The following SRRM1 variants were observed in gnomAD, a reference collection of about 807,000 sequenced individuals.
The protein encoded by SRRM1 is serine/arginine repetitive matrix protein 1.
SRRM1 carries 19 observed loss-of-function variants against 110.2 expected under a neutral mutation model. The ratio of observed to expected loss-of-function variants is 0.17; its 90% CI spans 0.12 to 0.25. The LOEUF is 0.25. Ranked by LOEUF, SRRM1 falls within the 10% of genes least tolerant of loss-of-function variation. SRRM1 has a pLI of 1.00. For synonymous variants in SRRM1, 443 were observed against 414.9 expected (o/e 1.07, Z -0.82); for missense variants, 918 against 1,145.8 (o/e 0.80, Z 2.87).
chr1:24,648,996 A>G lies in SRRM1; in HGVS notation c.372A>G (p.Leu124=). ...TCGCGGGAATCCCTTCTGCTTTCCT[A>G]GAACTGAAGAAAGAAGAAATAAAAC... ...ENIAGIPSAF[L]ELKKEEIKQR... Residue 124 remains leucine, a synonymous_variant, in exon 4 of 17, where the codon CTA becomes CTG. Coordinates refer to ENST00000323848, the MANE Select transcript of SRRM1 (RefSeq NM_005839.4). The G allele has an allele frequency of 1.2e-6, 2 of 1,612,464 alleles. No homozygotes were observed. The highest frequency in any genetic ancestry group is 1.7e-6 in the Non-Finnish European group (2 of 1,179,610).
intron 9 of SRRM1, among the ~76,000 whole-genome samples, chr1:24,656,175 C>G (rs1663995723): frequency 6.6e-6 from 1 of 152,136 alleles, no homozygotes; most frequent in South Asian, 2.1e-4. Context: ...ACCAGCATTG[C>G]TAATTATTCA....
Position 24,663,000 on chromosome 1 carries a change from A to G in SRRM1, c.1628+196A>G, listed in dbSNP as rs1570989932. 5.1e-6 allele frequency: 5 copies of G among 972,456 alleles called. No individual in the cohort carries two copies. The East Asian group carries it at 1.3e-4, about 26-fold the overall frequency. 60.2% of individuals were successfully genotyped at this position (972,456 alleles called of 1,614,324 possible). ...TATTAATAATTAATTTAGAATTGGT[A>G]AATTTTAAACCACCATGTCATATAT... is the stretch of plus-strand genomic sequence containing the variant. On this transcript the variant is annotated intron_variant, in intron 12 of 16. Coordinates refer to ENST00000323848, the MANE Select transcript of SRRM1 (RefSeq NM_005839.4).
Position 24,655,051 on chromosome 1 carries a change from C to T in SRRM1, c.1237C>T (p.His413Tyr). ...TGCAACTCCACCACCCAAAACTCGG[C>T]ATTCCCCTACACCCCAGCAGTCAAA... Reference protein sequence around the residue: ...PPATPPPKTRHSPTPQQSNRT... With the variant: ...PPATPPPKTRYSPTPQQSNRT... The change falls in exon 9 of 17, where the codon CAT becomes TAT. Residue 413 changes from histidine (H) to tyrosine (Y), a missense_variant. Around this residue, in one of 5 missense-constraint regions of SRRM1, gnomAD observed 456 missense variants for 453.5 expected, o/e 1.01. Transcript: ENST00000323848. The T allele has an allele frequency of 6.2e-7, 1 of 1,614,198 alleles. No individual in the cohort carries two copies. The highest frequency in any genetic ancestry group is 2.2e-5 in the East Asian group (1 of 44,888).
chr1:24,672,439 C>T lies in SRRM1; in HGVS notation c.*153C>T. The T allele has an allele frequency of 1.9e-6, 1 of 534,464 alleles. No homozygotes were observed. Among genetic ancestry groups the T allele is most frequent in the Non-Finnish European group, 3.4e-6 (1 of 294,930 alleles). 33.1% of individuals were successfully genotyped at this position (534,464 alleles called of 1,614,324 possible). On this transcript the variant is annotated 3_prime_UTR_variant, in exon 17 of 17. Coordinates refer to ENST00000323848, the MANE Select transcript of SRRM1 (RefSeq NM_005839.4). ...TGTAAAAAAAGGGGGCATGGATTTA[C>T]ATTGCAAAAGGTGTCCACAGTGTAT...
intron 1 of SRRM1, among the ~76,000 whole-genome samples, chr1:24,645,270 G>T (rs1229080374): frequency 3.9e-5 from 6 of 152,036 alleles, no homozygotes; most frequent in East Asian, 1.9e-4. Flanking sequence ...AATTTTTTTT[G>T]ATCGCTTTCC....
rs957249112 is a variant in SRRM1 at position 24,666,612 on chromosome 1, A to G, written c.1629-203A>G. ...CTCCGTCTCTACAAAAATATTTTAA[A>G]AAATTAGCCAGGCATGATTATGGGT... On this transcript the variant is annotated intron_variant, in intron 12 of 16. Coordinates refer to ENST00000323848, the MANE Select transcript of SRRM1 (RefSeq NM_005839.4). 33 of 464,218 alleles carry G rather than the reference A, an allele frequency of 7.1e-5. No homozygotes were observed. The East Asian group carries it at 1.6e-3, about 22-fold the overall frequency. The allele number at this position is 464,218 out of a possible 1,614,324, so 28.8% of individuals were successfully genotyped here. A position where few individuals can be genotyped will look rare whatever the true frequency, so the allele number is the denominator to read the frequency against.
Position 24,652,603 on chromosome 1 carries a change from A to G in SRRM1, c.895A>G (p.Arg299Gly). ...RSRSPSHTRPRRRHRSRSRSY... is the reference protein window; with the variant it reads ...RSRSPSHTRPGRRHRSRSRSY... Reference sequence around the variant, plus strand: ...CCGCTCTCCTTCTCACACTCGACCTAGACGGCGCCATAGATCCCGATCAAG... The same window carrying G: ...CCGCTCTCCTTCTCACACTCGACCTGGACGGCGCCATAGATCCCGATCAAG... The change falls in exon 7 of 17, where the codon AGA becomes GGA. Residue 299 changes from arginine (R) to glycine (G), a missense_variant. Arg to Gly is a moderately radical substitution (Grantham distance 125, BLOSUM62 -2). This residue lies in a region of SRRM1 where 456 missense variants were observed against 453.5 expected (regional missense o/e 1.01). Coordinates refer to ENST00000323848, the MANE Select transcript of SRRM1 (RefSeq NM_005839.4). The G allele has an allele frequency of 6.2e-7, 1 of 1,607,224 alleles. No homozygotes were observed. The highest frequency in any genetic ancestry group is 8.5e-7 in the Non-Finnish European group (1 of 1,178,116).
intron 1 of SRRM1, 144 bp downstream of exon 1, chr1:24,643,491 C>T (rs928174317): frequency 5.2e-6 from 3 of 577,858 alleles, no homozygotes; most frequent in South Asian, 4.3e-5. Context: ...CACCCCCCCC[C>T]CCCCCGTGCG....
At chr1:24,664,808 C>G (rs921334560) in intron 12 of SRRM1, among the ~76,000 whole-genome samples, 1 of 152,138 alleles carries the variant, frequency 6.6e-6, no homozygotes, top group African/African-American at 2.4e-5. Context: ...AAGTTGCTAG[C>G]ACAGCAACTA....
chr1:24,643,490 C>T (rs969470072), intron 1 of SRRM1, 143 bp downstream of exon 1: 13 of 575,966 alleles, frequency 2.3e-5, no homozygotes, highest in South Asian at 4.3e-5. Flanking sequence ...GCACCCCCCC[C>T]CCCCCCGTGC....
In SRRM1 at chr1:24,646,663, T is replaced by C; in HGVS notation, c.112-4T>C. On this transcript the variant is annotated splice_polypyrimidine_tract_variant and splice_region_variant and intron_variant, in intron 2 of 16. Transcript: ENST00000323848. ...TGTACTTAATTGTTTCTATGTTTCA[T>C]CAGGTGGACATGAGCAAAGTAAATT... The C allele has an allele frequency of 1.3e-6, 2 of 1,579,246 alleles. No individual in the cohort carries two copies. The highest frequency in any genetic ancestry group is 2.0e-5 in the Admixed American group (1 of 51,204).
intron 16 of SRRM1, 68 bp downstream of exon 16, chr1:24,671,663 A>C: frequency 4.2e-6 from 6 of 1,413,426 alleles, no homozygotes; most frequent in Non-Finnish European, 5.7e-6. Context: ...TTTTGTTTTG[A>C]GAAGTAGCAA....
In SRRM1 at chr1:24,669,708, A is replaced by G. The variant is rs1317318234; in HGVS notation, c.2204+121A>G. 4.9e-6 allele frequency: 4 copies of G among 811,168 alleles called. No homozygotes were observed. The Admixed American group carries it at 1.2e-4, about 24-fold the overall frequency. The allele number at this position is 811,168 out of a possible 1,614,324, so 50.2% of individuals were successfully genotyped here. A position where few individuals can be genotyped will look rare whatever the true frequency, so the allele number is the denominator to read the frequency against. On this transcript the variant is annotated intron_variant, in intron 14 of 16. Coordinates refer to ENST00000323848, the MANE Select transcript of SRRM1 (RefSeq NM_005839.4). ...AATATGAGCTTTTAAGTCAAACTTG[A>G]GGTACTATTTACAGATCTTATTCCA...
At chr1:24,658,263 T>G (rs1570900904) in intron 9 of SRRM1, among the ~76,000 whole-genome samples, 1 of 149,092 alleles carries the variant, frequency 6.7e-6, no homozygotes, top group Non-Finnish European at 1.5e-5. Flanking sequence ...CAGGCTGGAG[T>G]GCAATGGTGC....
chr1:24,656,681 A>AG (rs1192848007), intron 9 of SRRM1, among the ~76,000 whole-genome samples: 1 of 152,218 alleles, frequency 6.6e-6, no homozygotes, highest in Non-Finnish European at 1.5e-5. Flanking sequence ...AGGGAAAAAA[A>AG]CAAGTGTTTT....
At chr1:24,666,615 A>T (rs189548823) in intron 12 of SRRM1, 200 bp from the exon 13 acceptor site, 280 of 476,084 alleles carry the variant, frequency 5.9e-4, no homozygotes, top group Admixed American at 2.4e-3. Context: ...ATTTTAAAAA[A>T]TTAGCCAGGC....
At position 24,666,822 on chromosome 1, in the gene SRRM1, CGGA is replaced by C. The variant is rs751088698; in HGVS notation, c.1641_1643del (p.Arg548del). 1.4e-5 allele frequency: 23 copies of C among 1,611,832 alleles called. 1 individual carries two copies. Among genetic ancestry groups the C allele is most frequent in the Non-Finnish European group, 1.8e-5 (21 of 1,178,506 alleles). On this transcript the variant is annotated inframe_deletion, in exon 13 of 17. Transcript: ENST00000323848. ...TAATTCTTCTTGGTTTAGTGGTAGA[CGGA>C]GGAGAAGTCCATCCCCACCACCCAC...
chr1:24,652,499 A>G lies in SRRM1; in HGVS notation c.791A>G (p.Asn264Ser), dbSNP rs920461288. 8.1e-6 allele frequency: 13 copies of G among 1,613,020 alleles called. No individual in the cohort carries two copies. Among genetic ancestry groups the G allele is most frequent in the Non-Finnish European group, 1.1e-5 (13 of 1,179,684 alleles). Reference protein sequence around the residue: ...PEPKEPSPEKNSKKEKEKEKT... With the variant: ...PEPKEPSPEKSSKKEKEKEKT... The stretch of plus-strand genomic sequence containing the variant: ...CCTAAAGAACCTTCTCCGGAAAAAA[A>G]TTCCAAAAAAGAAAAGGAGAAGGAG... The change falls in exon 7 of 17, where the codon AAT becomes AGT. Residue 264 changes from asparagine to serine, a missense_variant. Transcript: ENST00000323848.
chr1:24,650,825 A>G (rs1266100359), intron 5 of SRRM1, among the ~76,000 whole-genome samples: 1 of 152,226 alleles, frequency 6.6e-6, no homozygotes, highest in Non-Finnish European at 1.5e-5. Context: ...CTATTGATGA[A>G]GTATGTCTGC....
Sources: gnomAD v4.1 joint callset for allele counts (sites outside exome capture counted in the v4.1 genomes callset) on GRCh38, gnomAD v4.1.1 for gene constraint, gnomAD v4.1.1 regional missense constraint, MANE v1.5 for transcripts, NCBI Gene and HGNC (gene_info 2026-07-23, HGNC 2026-07-21) for gene names.